The following TASP1 variants were observed in gnomAD, a reference collection of about 807,000 sequenced individuals.
TASP1 encodes the protein threonine aspartase 1.
A neutral mutation model predicts 56.6 loss-of-function variants in TASP1; 16 were observed. That is an observed-to-expected ratio of 0.28 (90% CI 0.19 to 0.43). The LOEUF is 0.43. Among genes scored for constraint, TASP1 ranks in the 20% least tolerant of loss-of-function variants. The pLI, the probability that TASP1 is intolerant of heterozygous loss-of-function variation, is 1.00. For missense variants in TASP1, 393 were observed against 511.6 expected, an observed-to-expected ratio of 0.77 and a Z score of 2.24; for synonymous variants, 179 against 184.2, an observed-to-expected ratio of 0.97 and a Z score of 0.23.
the TASP1 span, chr20:13,117,782 T>A: frequency 6.9e-7 from 1 of 1,457,670 alleles, no homozygotes; most frequent in South Asian, 1.3e-5. Flanking sequence ...GGATGCCGTG[T>A]GTAGGGCTTC....
At chr20:13,118,898 A>G in the TASP1 span, among the ~76,000 whole-genome samples, 1 of 152,254 alleles carries the variant, frequency 6.6e-6, no homozygotes. Context: ...GATGCTTAAA[A>G]TGTTCAGAGT....
chr20:13,521,653 G>T (rs1202920917), intron 10 of TASP1, among the ~76,000 whole-genome samples: 1 of 123,458 alleles, frequency 8.1e-6, no homozygotes, highest in African/African-American at 3.0e-5. Context: ...AGGGGGGAGG[G>T]ATAGCATTAG....
chr20:13,352,791 A>G, the TASP1 span, among the ~76,000 whole-genome samples: 1 of 152,204 alleles, frequency 6.6e-6, no homozygotes, highest in Admixed American at 6.5e-5. Flanking sequence ...AAGAAAATAC[A>G]AGATTCTTTA....
At position 13,401,057 on chromosome 20, in the gene TASP1, G is replaced by A. The variant is rs574576002; in HGVS notation, c.1171-10605C>T. ...AGGTGTAGGACTGTGGAAGTGAAGC[G>A]CCCAGGCTTCACCAAACAGGGCGGC... On this transcript the variant is annotated intron_variant, in intron 13 of 13. Transcript: ENST00000337743. 1.2e-4 allele frequency among the ~76,000 whole-genome samples: 18 copies of A among 152,220 alleles called. No individual in the cohort carries two copies. In the South Asian group the frequency reaches 1.9e-3, roughly 16 times the overall value.
intron 4 of TASP1, among the ~76,000 whole-genome samples, chr20:13,618,255 C>CA (rs2048591319): frequency 6.6e-6 from 1 of 151,502 alleles, no homozygotes; most frequent in African/African-American, 2.4e-5. Context: ...ACTAAAAACA[C>CA]AAAAAAAATT....
At chr20:13,312,698 C>G in the TASP1 span, among the ~76,000 whole-genome samples, 1 of 152,114 alleles carries the variant, frequency 6.6e-6, no homozygotes, top group African/African-American at 2.4e-5. Context: ...CTATGGGGCC[C>G]CTGGCTCCCA....
intron 10 of TASP1, among the ~76,000 whole-genome samples, chr20:13,496,434 G>A (rs1035214217): frequency 4.6e-5 from 7 of 151,678 alleles, no homozygotes; most frequent in Admixed American, 4.6e-4. Flanking sequence ...CATGAAAATT[G>A]CAGTAAAAAT....
At chr20:13,221,084 T>A in the TASP1 span, among the ~76,000 whole-genome samples, 1 of 151,794 alleles carries the variant, frequency 6.6e-6, no homozygotes, top group Non-Finnish European at 1.5e-5. Context: ...GGACTCCGAG[T>A]GCGGGGCGGC....
intron 13 of TASP1, among the ~76,000 whole-genome samples, chr20:13,406,085 C>T (rs2041909137): frequency 6.6e-6 from 1 of 152,186 alleles, no homozygotes. Context: ...AGTAGCTTAA[C>T]AGTAGGTCTT....
chr20:13,490,815 C>G (rs2043500545), intron 10 of TASP1, among the ~76,000 whole-genome samples: 1 of 152,070 alleles, frequency 6.6e-6, no homozygotes, highest in Non-Finnish European at 1.5e-5. Flanking sequence ...GTTTCCATAG[C>G]TGTAAAATGG....
chr20:13,515,106 A>G (rs548580322), intron 10 of TASP1, among the ~76,000 whole-genome samples: 1 of 152,210 alleles, frequency 6.6e-6, no homozygotes, highest in Non-Finnish European at 1.5e-5. Context: ...TGTTGTATTC[A>G]CTTCTGTTTG....
intron 10 of TASP1, among the ~76,000 whole-genome samples, chr20:13,501,858 A>G (rs1197097681): frequency 6.6e-6 from 1 of 152,008 alleles, no homozygotes; most frequent in African/African-American, 2.4e-5. Flanking sequence ...TACTAAGGAT[A>G]AGAAAGTTGC....
At chr20:13,296,252 G>A in the TASP1 span, among the ~76,000 whole-genome samples, 2 of 152,144 alleles carry the variant, frequency 1.3e-5, no homozygotes, top group African/African-American at 2.4e-5. Flanking sequence ...CTTTGCCTGA[G>A]GTCTTTCTCT....
At chr20:13,128,871 A>ATTTTTT in the TASP1 span, among the ~76,000 whole-genome samples, 1 of 114,232 alleles carries the variant, frequency 8.8e-6, no homozygotes, top group African/African-American at 3.6e-5. Flanking sequence ...TGCCCAGCTA[A>ATTTTTT]TTTTTTTTTT....
rs959736472 is a variant in TASP1 at position 13,593,448 on chromosome 20, G to T, written c.283-6078C>A. On this transcript the variant is annotated intron_variant, in intron 4 of 13. Coordinates refer to ENST00000337743, the MANE Select transcript of TASP1 (RefSeq NM_017714.3). Reference sequence around the variant, plus strand: ...ACAAGGGGTCGGAGGATTTCCCTTTGACAGTCTGCCATGACAGACTGTACC... The same window carrying T: ...ACAAGGGGTCGGAGGATTTCCCTTTTACAGTCTGCCATGACAGACTGTACC... 2.0e-5 allele frequency among the ~76,000 whole-genome samples: 3 copies of T among 152,084 alleles called. No homozygotes were observed. The East Asian group carries it at 5.8e-4, about 29-fold the overall frequency.
intron 4 of TASP1, among the ~76,000 whole-genome samples, chr20:13,594,359 C>G (rs1471659549): frequency 6.6e-6 from 1 of 152,220 alleles, no homozygotes; most frequent in Admixed American, 6.5e-5. Context: ...TGGAACAAAG[C>G]TGGATGGAGA....
chr20:13,433,435 G>T (rs1237312849), intron 12 of TASP1, among the ~76,000 whole-genome samples: 3 of 148,120 alleles, frequency 2.0e-5, no homozygotes, highest in Non-Finnish European at 3.0e-5. Context: ...ATTTGTCTTG[G>T]TTTAACAAAA....
intron 8 of TASP1, among the ~76,000 whole-genome samples, chr20:13,539,468 T>C (rs1345063069): frequency 6.6e-6 from 1 of 152,176 alleles, no homozygotes; most frequent in African/African-American, 2.4e-5. Context: ...GAAGATCCCC[T>C]GTGCCCAGGA....
intron 12 of TASP1, among the ~76,000 whole-genome samples, chr20:13,419,959 G>C (rs1265707911): frequency 6.6e-6 from 1 of 152,186 alleles, no homozygotes; most frequent in Non-Finnish European, 1.5e-5. Flanking sequence ...CAAGGTCTGG[G>C]ATAGTCTAAC....
Sources: allele counts gnomAD v4.1 joint callset (sites outside exome capture counted in the v4.1 genomes callset), GRCh38; gene constraint gnomAD v4.1.1; transcripts MANE v1.5; gene names NCBI Gene and HGNC (gene_info 2026-07-23, HGNC 2026-07-21).